The following HAS2 variants were observed in gnomAD, a reference collection of about 807,000 sequenced individuals.
HAS2 encodes the protein hyaluronan synthase 2.
In HAS2, 16 loss-of-function variants were observed where a neutral mutation model predicts 51.6. The ratio of observed to expected loss-of-function variants is 0.31; its 90% CI spans 0.21 to 0.47. The LOEUF is 0.47. Ranked by LOEUF, HAS2 falls within the 20% of genes least tolerant of loss-of-function variation. HAS2 has a pLI of 1.00. For synonymous variants in HAS2, 228 were observed against 235.5 expected, an observed-to-expected ratio of 0.97 and a Z score of 0.29; for missense variants, 361 against 662.6, an observed-to-expected ratio of 0.54 and a Z score of 5.00.
At chr8:121,638,110 A>G (rs900271743) in intron 1 of HAS2, among the ~76,000 whole-genome samples, 1 of 152,258 alleles carries the variant, frequency 6.6e-6, no homozygotes, top group African/African-American at 2.4e-5. Context: ...ACCAGTGACA[A>G]GTAAGTGTTT....
Position 121,614,039 on chromosome 8 carries a change from C to G in HAS2, c.*70G>C. 1 of 1,609,896 alleles carries G rather than the reference C, an allele frequency of 6.2e-7. No homozygotes were observed. Among genetic ancestry groups the G allele is most frequent in the Non-Finnish European group, 8.5e-7 (1 of 1,179,428 alleles). On this transcript the variant is annotated 3_prime_UTR_variant, in exon 4 of 4. Coordinates refer to ENST00000303924, the MANE Select transcript of HAS2 (RefSeq NM_005328.3). This position sits in a 1 kb window ranked among gnomAD's most constrained non-coding sequence, Gnocchi z 7.2. ...TCTCCTTTGGTGGCATTATCTGATG[C>G]CACAATACTGTACAGCCCCTAGAGG...
intron 2 of HAS2, among the ~76,000 whole-genome samples, chr8:121,626,858 A>G (rs1021780642): frequency 2.6e-5 from 4 of 152,082 alleles, no homozygotes; most frequent in Admixed American, 2.6e-4. Context: ...ATCAGGGCCT[A>G]GTTAAAAGCT....
chr8:121,640,585 C>A (rs1053369519), intron 1 of HAS2, among the ~76,000 whole-genome samples: 1 of 151,964 alleles, frequency 6.6e-6, no homozygotes, highest in African/African-American at 2.4e-5. Context: ...GACGTGCAGC[C>A]TTTCCCAGGC....
intron 1 of HAS2, among the ~76,000 whole-genome samples, chr8:121,636,158 G>A (rs1813005251): frequency 1.3e-5 from 2 of 152,304 alleles, no homozygotes; most frequent in Non-Finnish European, 2.9e-5. Context: ...ATCTCCTCCA[G>A]CAATTCAGCT....
At chr8:121,620,340 C>G (rs541626047) in intron 2 of HAS2, among the ~76,000 whole-genome samples, 1 of 152,138 alleles carries the variant, frequency 6.6e-6, no homozygotes, top group Admixed American at 6.6e-5. Flanking sequence ...CCTCACTCAT[C>G]GGTAACAAGT....
At chr8:121,632,361 C>G (rs978910734) in intron 1 of HAS2, among the ~76,000 whole-genome samples, 2 of 152,074 alleles carry the variant, frequency 1.3e-5, no homozygotes, top group African/African-American at 2.4e-5. Context: ...AGACATATGA[C>G]TGTATAGTTA....
Position 121,628,697 on chromosome 8 carries a change from G to A in HAS2, c.627+17C>T. ...ATTTAAATGTATGTTTGCCCTGGCA[G>A]GAATGTGGAGACCTACCTGTACATA... On this transcript the variant is annotated intron_variant, in intron 2 of 3. Coordinates refer to ENST00000303924, the MANE Select transcript of HAS2 (RefSeq NM_005328.3). 2 of 1,607,070 alleles carry A rather than the reference G, an allele frequency of 1.2e-6. No homozygotes were observed. Among genetic ancestry groups the A allele is most frequent in the Non-Finnish European group, 1.7e-6 (2 of 1,175,934 alleles).
intron 2 of HAS2, among the ~76,000 whole-genome samples, chr8:121,620,159 C>A (rs1301598827): frequency 1.3e-5 from 2 of 152,164 alleles, no homozygotes; most frequent in African/African-American, 4.8e-5. Context: ...AATTTTTCAA[C>A]TACTGGATGC....
chr8:121,636,551 G>A (rs566987029), intron 1 of HAS2, among the ~76,000 whole-genome samples: 1 of 152,076 alleles, frequency 6.6e-6, no homozygotes, highest in African/African-American at 2.4e-5. Flanking sequence ...GCGGTGTCTG[G>A]GTTCAGAACT....
chr8:121,617,242 A>G, intron 2 of HAS2, 36 bp from the exon 3 acceptor site: 2 of 1,264,302 alleles, frequency 1.6e-6, no homozygotes, highest in Non-Finnish European at 2.3e-6. Context: ...GTTAAAGAAA[A>G]GGAAGAACTA....
At position 121,614,844 on chromosome 8, in the gene HAS2, T is replaced by C. The variant is rs774820892; in HGVS notation, c.924A>G (p.Gln308=). The C allele has an allele frequency of 5.6e-6, 9 of 1,614,222 alleles. No homozygotes were observed. Among genetic ancestry groups the C allele is most frequent in the East Asian group, 2.2e-5 (1 of 44,876 alleles). The change falls in exon 4 of 4, where the codon CAA becomes CAG. Residue 308 remains glutamine, a synonymous_variant. Transcript: ENST00000303924. This position sits in a 1 kb window ranked among gnomAD's most constrained non-coding sequence, Gnocchi z 7.2. ...GATGCCTGTCATCACCAAAGCTACA[T>C]TGGTTGCCCATAAATTCTTGATTGT... ...DWYNQEFMGN[Q]CSFGDDRHLT... is the part of the protein sequence containing the mutation.
intron 1 of HAS2, among the ~76,000 whole-genome samples, chr8:121,629,897 A>T (rs1812907798): frequency 6.6e-6 from 1 of 152,164 alleles, no homozygotes; most frequent in Non-Finnish European, 1.5e-5. Flanking sequence ...GGGTTCTAGT[A>T]CTAGCTCATT....
chr8:121,640,547 A>G (rs2130458767), intron 1 of HAS2, among the ~76,000 whole-genome samples: 1 of 152,148 alleles, frequency 6.6e-6, no homozygotes, highest in African/African-American at 2.4e-5. Context: ...CTGCTCCGGA[A>G]GATGCAAAAT....
intron 1 of HAS2, among the ~76,000 whole-genome samples, chr8:121,633,355 G>A (rs1485276453): frequency 2.0e-5 from 3 of 152,096 alleles, no homozygotes; most frequent in Non-Finnish European, 2.9e-5. Flanking sequence ...TGTTGGCCAG[G>A]CTGGTCTTGA....
chr8:121,631,742 G>A (rs1294631167), intron 1 of HAS2, among the ~76,000 whole-genome samples: 2 of 152,220 alleles, frequency 1.3e-5, no homozygotes, highest in Non-Finnish European at 2.9e-5. Flanking sequence ...ATGCCTGAAG[G>A]TGCTGGGAGC....
intron 1 of HAS2, among the ~76,000 whole-genome samples, chr8:121,638,962 T>C (rs1813048931): frequency 1.3e-5 from 2 of 152,242 alleles, no homozygotes; most frequent in African/African-American, 4.8e-5. Flanking sequence ...AAACCTGGCA[T>C]CGTGTATGTA....
At chr8:121,623,054 AG>A (rs759820498) in intron 2 of HAS2, among the ~76,000 whole-genome samples, 10 of 152,126 alleles carry the variant, frequency 6.6e-5, no homozygotes, top group Non-Finnish European at 1.2e-4. Flanking sequence ...TTTATGGTAC[AG>A]GATCTCAAAT....
intron 1 of HAS2, among the ~76,000 whole-genome samples, chr8:121,631,617 C>T (rs185281820): frequency 2.8e-4 from 43 of 152,278 alleles, no homozygotes; most frequent in Non-Finnish European, 4.1e-4. Context: ...AAAGTTTAGA[C>T]TGTTGGGGAA....
At chr8:121,617,047 A>T (rs550036395) in intron 3 of HAS2, 58 bp downstream of exon 3, 1 of 936,942 alleles carries the variant, frequency 1.1e-6, no homozygotes, top group African/African-American at 1.6e-5. Flanking sequence ...TCAATGAGTA[A>T]AAGTGCTCTT....
Sources: gnomAD v4.1 joint callset for allele counts (sites outside exome capture counted in the v4.1 genomes callset) on GRCh38, gnomAD v4.1.1 for gene constraint, Gnocchi (gnomAD v3.1) non-coding constraint, MANE v1.5 for transcripts, NCBI Gene and HGNC (gene_info 2026-07-23, HGNC 2026-07-21) for gene names.